Variants in COG4 observed in about 807,000 individuals in gnomAD.
The protein encoded by COG4 is conserved oligomeric Golgi complex subunit 4.
A neutral mutation model predicts 95.1 loss-of-function variants in COG4; 65 were observed. The ratio of observed to expected loss-of-function variants is 0.68; its 90% CI spans 0.56 to 0.84. The LOEUF (loss-of-function observed/expected upper bound fraction) is 0.84. Ranked by LOEUF, COG4 falls within the 40% of genes least tolerant of loss-of-function variation. COG4 has a pLI of 0.00. For synonymous variants in COG4, 421 were observed against 374.8 expected, an observed-to-expected ratio of 1.12 and a Z score of -1.42; for missense variants, 1,045 against 989.1, an observed-to-expected ratio of 1.06 and a Z score of -0.76.
rs781558742 is a variant in COG4, at chr16:70,497,240, C to T, written c.1462G>A (p.Glu488Lys). ...LCAMINLATT[E>K]LESDFRDVLC... is the part of the protein sequence containing the mutation. ...CTGTACCTGAAGTCAGACTCCAGCT[C>T]TGTGGTGGCGAGGTTGATCATGGCA... Residue 488 changes from glutamate to lysine, a missense_variant, in exon 11 of 19, where the codon GAG becomes AAG. Physicochemically the swap from Glu to Lys is moderately conservative, Grantham distance 56. Transcript: ENST00000323786. The T allele has an allele frequency of 1.9e-6, 3 of 1,614,156 alleles. No homozygotes were observed. In the East Asian group the frequency reaches 6.7e-5, roughly 36 times the overall value.
rs201628310 is a variant in COG4, at chr16:70,514,343, C to T, written c.536G>A (p.Gly179Asp). 90 of 1,614,142 alleles carry T rather than the reference C, an allele frequency of 5.6e-5. No homozygotes were observed. Among genetic ancestry groups the T allele is most frequent in the Middle Eastern group, 1.6e-4 (1 of 6,062 alleles). Reference protein sequence around the residue: ...DKSVIELSRQGKEGSMIDANL... With the variant: ...DKSVIELSRQDKEGSMIDANL... ...CAGTTTCGGATGCTGACCCTCTTTG[C>T]CCTGTCGGCTGAGCTCAATGACCGA... The change falls in exon 4 of 19, where the codon GGC (glycine) becomes GAC (aspartate). Residue 179 changes from glycine to aspartate, a missense_variant. Coordinates refer to ENST00000323786, the MANE Select transcript of COG4 (RefSeq NM_015386.3).
chr16:70,523,411 C>T lies in COG4; in HGVS notation c.133G>A (p.Glu45Lys). ...AGCCGTTCGTATACAGCCTCCAGCT[C>T]CTGCAGCTCTGTCAGGGAGCGAATG... ...ELIRSLTELQ[E>K]LEAVYERLCG... The change falls in exon 1 of 19, where the codon GAG (glutamate) becomes AAG (lysine). Residue 45 changes from glutamate to lysine, a missense_variant. Glu to Lys is a moderately conservative substitution (Grantham distance 56). Transcript: ENST00000323786. 1 of 1,614,222 alleles carries T rather than the reference C, an allele frequency of 6.2e-7. No individual in the cohort carries two copies. Among genetic ancestry groups the T allele is most frequent in the Non-Finnish European group, 8.5e-7 (1 of 1,180,050 alleles).
Position 70,482,557 on chromosome 16 carries a change from G to A in COG4, c.1920+172C>T, listed in dbSNP as rs1165764768. ...ACTCCATGTCTTTCTGAGCCCTTCT[G>A]ACTAGGGACAAACTGTTTCCTGGGA... On this transcript the variant is annotated intron_variant, in intron 15 of 18. Transcript: ENST00000323786. 5 of 686,842 alleles carry A rather than the reference G, an allele frequency of 7.3e-6. No homozygotes were observed. The East Asian group carries it at 1.4e-4, about 19-fold the overall frequency. The allele number at this position is 686,842 out of a possible 1,614,324, so 42.5% of individuals were successfully genotyped here.
At chr16:70,500,439 GCCCTA>G (rs970131882) in intron 9 of COG4, among the ~76,000 whole-genome samples, 1 of 144,740 alleles carries the variant, frequency 6.9e-6, no homozygotes, top group African/African-American at 2.7e-5. Context: ...CGTGATCTTG[GCCCTA>G]TGCCCCCCAG....
intron 4 of COG4, 44 bp from the exon 5 acceptor site, chr16:70,512,476 C>G: frequency 1.3e-6 from 2 of 1,534,008 alleles, no homozygotes; most frequent in South Asian, 2.3e-5. Context: ...AAGAATAGTA[C>G]TGTGGCAGGT....
At chr16:70,519,532 T>C in intron 2 of COG4, 117 bp downstream of exon 2, 5 of 745,184 alleles carry the variant, frequency 6.7e-6, no homozygotes, top group East Asian at 2.6e-5. Context: ...CTTGAGATAA[T>C]ACCCTTTACA....
At chr16:70,492,655 C>A (rs2049268204) in intron 12 of COG4, among the ~76,000 whole-genome samples, 1 of 146,532 alleles carries the variant, frequency 6.8e-6, no homozygotes, top group Non-Finnish European at 1.5e-5. Flanking sequence ...CAGCAAAACT[C>A]CGTCTCAAAA....
rs2049891541 is a variant in COG4, at chr16:70,519,529, T to G, written c.254+120A>C. On this transcript the variant is annotated intron_variant, in intron 2 of 18. Coordinates refer to ENST00000323786, the MANE Select transcript of COG4 (RefSeq NM_015386.3). ...CTTAGGTGTTCACTTTATCTTGAGATAATACCCTTTACATTTCAAGCTGAA... is the reference window on the plus strand; with the variant it reads ...CTTAGGTGTTCACTTTATCTTGAGAGAATACCCTTTACATTTCAAGCTGAA... The G allele has an allele frequency of 7.3e-5, 54 of 739,910 alleles. 1 individual carries two copies. In the South Asian group the frequency reaches 7.8e-4, roughly 11 times the overall value. 45.8% of individuals were successfully genotyped at this position (739,910 alleles called of 1,614,324 possible).
chr16:70,481,941 G>A, intron 16 of COG4, 76 bp from the exon 17 acceptor site: 1 of 1,447,682 alleles, frequency 6.9e-7, no homozygotes, highest in African/African-American at 1.4e-5. Context: ...AGGTGGTGAG[G>A]ATAGTAGCGT....
rs752116491 is a variant in COG4 at position 70,498,064 on chromosome 16, C to G, written c.1196-9G>C. On this transcript the variant is annotated splice_polypyrimidine_tract_variant and intron_variant, in intron 9 of 18. Coordinates refer to ENST00000323786, the MANE Select transcript of COG4 (RefSeq NM_015386.3). The stretch of plus-strand genomic sequence containing the variant: ...CAGACACTTCTGGTGCTCTAGGGGA[C>G]AGCCAAGAAAGGAATACTCATTTTT... 1.3e-5 allele frequency: 21 copies of G among 1,567,948 alleles called. No homozygotes were observed. The highest frequency in any genetic ancestry group is 2.2e-5 in the East Asian group (1 of 44,658).
intron 1 of COG4, 51 bp downstream of exon 1, chr16:70,523,322 C>G: frequency 1.2e-6 from 2 of 1,606,442 alleles, no homozygotes; most frequent in Non-Finnish European, 1.7e-6. Flanking sequence ...CGACTGAAGG[C>G]TCCCACTCTC....
chr16:70,520,388 G>T (rs1282491872), intron 1 of COG4, among the ~76,000 whole-genome samples: 2 of 50,054 alleles, frequency 4.0e-5, no homozygotes, highest in Non-Finnish European at 8.8e-5. Context: ...GGGGGGGGGG[G>T]GCGGAGCTTG....
At chr16:70,487,293 A>T (rs982880222) in intron 13 of COG4, among the ~76,000 whole-genome samples, 10 of 151,242 alleles carry the variant, frequency 6.6e-5, no homozygotes, top group South Asian at 2.1e-4. Flanking sequence ...AAAAAAATAA[A>T]AATAAAAAAA....
chr16:70,481,451 G>C lies in COG4; in HGVS notation c.2143C>G (p.Leu715Val). The change falls in exon 18 of 19, where the codon CTC becomes GTC. Residue 715 changes from leucine to valine, a missense_variant. Leu to Val is a conservative substitution (Grantham distance 32). Coordinates refer to ENST00000323786, the MANE Select transcript of COG4 (RefSeq NM_015386.3). Reference protein sequence around the residue: ...GLQFDKELRSLIAYLTTVTTW... With the variant: ...GLQFDKELRSVIAYLTTVTTW... ...GTCACCGTGGTAAGGTAGGCAATGA[G>C]CGACCTCAGCTCCTTGTCAAACTGC... 1 of 1,613,094 alleles carries C rather than the reference G, an allele frequency of 6.2e-7. No homozygotes were observed. Among genetic ancestry groups the C allele is most frequent in the Non-Finnish European group, 8.5e-7 (1 of 1,179,986 alleles).
rs199688575 is a variant in COG4, at chr16:70,481,050, A to G, written c.2330T>C (p.Ile777Thr). 6.2e-7 allele frequency: 1 copy of G among 1,613,048 alleles called. No individual in the cohort carries two copies. Among genetic ancestry groups the G allele is most frequent in the African/African-American group, 1.3e-5 (1 of 74,892 alleles). ...CTTGATATCTTCACTGCGGAAGTCT[A>G]TCCGCAGGGCCAGCACCTGGCGCAC... The part of the protein sequence containing the change: ...AEVRQVLALR[I>T]DFRSEDIKRL... The change falls in exon 19 of 19, where the codon ATA becomes ACA. Residue 777 changes from isoleucine (I) to threonine (T), a missense_variant. Coordinates refer to ENST00000323786, the MANE Select transcript of COG4 (RefSeq NM_015386.3).
At chr16:70,492,890 G>T (rs1359240595) in intron 12 of COG4, among the ~76,000 whole-genome samples, 2 of 146,948 alleles carry the variant, frequency 1.4e-5, no homozygotes, top group East Asian at 4.1e-4. Flanking sequence ...TTGAACCTAT[G>T]AGGCGGAGGT....
intron 15 of COG4, 177 bp from the exon 16 acceptor site, chr16:70,482,352 C>G: frequency 1.5e-6 from 1 of 681,072 alleles, no homozygotes. Flanking sequence ...GACCAGCAAA[C>G]AGCCCAGGGC....
chr16:70,510,573 C>T (rs944332033), intron 5 of COG4, among the ~76,000 whole-genome samples: 2 of 152,156 alleles, frequency 1.3e-5, no homozygotes, highest in African/African-American at 4.8e-5. Flanking sequence ...AATCCTCTTG[C>T]CTCAGCATCC....
At chr16:70,503,379 T>C (rs1166896013) in intron 8 of COG4, among the ~76,000 whole-genome samples, 1 of 152,126 alleles carries the variant, frequency 6.6e-6, no homozygotes. Context: ...CAAACATAAA[T>C]CTGGTCATAT....
Sources: gnomAD v4.1 joint callset for allele counts (sites outside exome capture counted in the v4.1 genomes callset) on GRCh38, gnomAD v4.1.1 for gene constraint, MANE v1.5 for transcripts, NCBI Gene and HGNC (gene_info 2026-07-23, HGNC 2026-07-21) for gene names.